The following PACRG variants were observed in gnomAD, a reference collection of about 807,000 sequenced individuals.
PACRG encodes parkin coregulated gene protein.
A neutral mutation model predicts 29.7 loss-of-function variants in PACRG; 29 were observed. That is an observed-to-expected ratio of 0.98 (90% CI 0.73 to 1.33). PACRG has a LOEUF of 1.33. PACRG is among the 40% of genes most tolerant of loss of function. PACRG has a pLI of 0.00. For missense variants in PACRG, 279 were observed against 316.2 expected, an observed-to-expected ratio of 0.88 and a Z score of 0.89; for synonymous variants, 116 against 118.7, an observed-to-expected ratio of 0.98 and a Z score of 0.15.
intron 1 of PACRG, among the ~76,000 whole-genome samples, chr6:162,802,998 C>G (rs1286092611): frequency 1.3e-5 from 2 of 152,114 alleles, no homozygotes; most frequent in African/African-American, 4.8e-5. Flanking sequence ...GAACCTACCA[C>G]TTGGTCACAG....
At chr6:163,135,347 C>T (rs1356303069) in intron 4 of PACRG, among the ~76,000 whole-genome samples, 2 of 152,226 alleles carry the variant, frequency 1.3e-5, no homozygotes, top group South Asian at 4.1e-4. Context: ...CGCCACCATG[C>T]CTGGCTAATT....
chr6:162,846,888 ACCACTGTGCTCCCCACACTGT>A (rs1447977104), intron 2 of PACRG, among the ~76,000 whole-genome samples: 5 of 132,682 alleles, frequency 3.8e-5, no homozygotes, highest in South Asian at 4.9e-4. Flanking sequence ...CTCCACACTG[ACCACTGTGCTCCCCACACTGT>A]CCACTGTGCT....
chr6:163,291,386 C>T (rs1784603297), intron 4 of PACRG, among the ~76,000 whole-genome samples: 1 of 150,154 alleles, frequency 6.7e-6, no homozygotes, highest in African/African-American at 2.5e-5. Flanking sequence ...GCCTGCGGGT[C>T]ACCCTGCAAG....
At chr6:163,304,772 G>A (rs539875031) in intron 4 of PACRG, among the ~76,000 whole-genome samples, 3 of 152,336 alleles carry the variant, frequency 2.0e-5, no homozygotes, top group African/African-American at 7.2e-5. Flanking sequence ...GAGTGAAGCA[G>A]GAGGTCCCAC....
At chr6:163,263,237 C>T (rs979932718) in intron 4 of PACRG, among the ~76,000 whole-genome samples, 2 of 151,678 alleles carry the variant, frequency 1.3e-5, no homozygotes, top group South Asian at 2.1e-4. Context: ...CTTCCCATCC[C>T]GAGAGCCCAG....
At chr6:162,934,955 A>G (rs940188495) in intron 2 of PACRG, among the ~76,000 whole-genome samples, 4 of 152,160 alleles carry the variant, frequency 2.6e-5, no homozygotes, top group African/African-American at 9.7e-5. Flanking sequence ...TGCTGGGTAT[A>G]ACATTCTTGG....
At chr6:162,928,082 A>T (rs1384172905) in intron 2 of PACRG, among the ~76,000 whole-genome samples, 3 of 152,024 alleles carry the variant, frequency 2.0e-5, no homozygotes, top group African/African-American at 7.2e-5. Context: ...GTTTTTCAGA[A>T]TTGAGAAAAA....
At chr6:162,950,474 C>A (rs1340263275) in intron 2 of PACRG, among the ~76,000 whole-genome samples, 1 of 151,906 alleles carries the variant, frequency 6.6e-6, no homozygotes, top group Non-Finnish European at 1.5e-5. Flanking sequence ...TGCCACTGCA[C>A]TCCAGCCTGG....
At chr6:162,817,360 G>A (rs1787446771) in intron 2 of PACRG, among the ~76,000 whole-genome samples, 1 of 152,226 alleles carries the variant, frequency 6.6e-6, no homozygotes, top group Non-Finnish European at 1.5e-5. Context: ...ACAGACAGAT[G>A]TCTTTGCATG....
At chr6:162,939,587 A>T (rs1418795892) in intron 2 of PACRG, among the ~76,000 whole-genome samples, 1 of 150,630 alleles carries the variant, frequency 6.6e-6, no homozygotes, top group African/African-American at 2.4e-5. Context: ...TACTTCTTTC[A>T]TCTCATCTCT....
intron 4 of PACRG, among the ~76,000 whole-genome samples, chr6:163,226,313 T>C (rs1042022394): frequency 2.0e-5 from 3 of 152,186 alleles, no homozygotes; most frequent in Admixed American, 2.0e-4. Flanking sequence ...TTAATAATAA[T>C]GTATATTTGA....
At position 162,947,359 on chromosome 6, in the gene PACRG, A is replaced by ATATATGAT. The variant is rs376521730; in HGVS notation, c.292-114791_292-114790insTATATGAT. The stretch of plus-strand genomic sequence containing the variant: ...ATATATATAATGATTACATATATAT[A>ATATATGAT]ATGTAATCATATATAATCATATATA... On this transcript the variant is annotated intron_variant, in intron 2 of 4. Coordinates refer to ENST00000366888, the MANE Select transcript of PACRG (RefSeq NM_001080379.2). Among the ~76,000 whole-genome samples, 2 of 36,702 alleles carry ATATATGAT rather than the reference A, an allele frequency of 5.4e-5. 1 individual carries two copies. Among genetic ancestry groups the ATATATGAT allele is most frequent in the African/African-American group, 2.1e-4 (2 of 9,744 alleles). 24.1% of individuals were successfully genotyped at this position (36,702 alleles called of 152,430 possible).
At chr6:163,052,330 T>C (rs1001161192) in intron 2 of PACRG, among the ~76,000 whole-genome samples, 7 of 152,228 alleles carry the variant, frequency 4.6e-5, no homozygotes, top group Admixed American at 1.3e-4. Flanking sequence ...GCAAGATCCT[T>C]GGTAATTATA....
chr6:163,242,853 G>T (rs758007396), intron 4 of PACRG, among the ~76,000 whole-genome samples: 1 of 152,146 alleles, frequency 6.6e-6, no homozygotes, highest in Non-Finnish European at 1.5e-5. Context: ...ACAGGGAATT[G>T]TTTCTTTTGT....
chr6:162,842,996 G>A (rs1449557551), intron 2 of PACRG, among the ~76,000 whole-genome samples: 13 of 132,674 alleles, frequency 9.8e-5, no homozygotes, highest in Non-Finnish European at 1.7e-4. Flanking sequence ...CCCTTTGAGG[G>A]TAACCCGACC....
At chr6:162,810,932 C>T (rs2128356307) in intron 1 of PACRG, among the ~76,000 whole-genome samples, 1 of 152,248 alleles carries the variant, frequency 6.6e-6, no homozygotes, top group South Asian at 2.1e-4. Flanking sequence ...CCTACAGATT[C>T]ACAAAGTTGA....
intron 4 of PACRG, among the ~76,000 whole-genome samples, chr6:163,119,640 T>C (rs531709156): frequency 6.6e-6 from 1 of 152,290 alleles, no homozygotes; most frequent in East Asian, 1.9e-4. Context: ...AGACAGGAGA[T>C]TGTAACCTGT....
chr6:163,139,120 G>A (rs1817052246), intron 4 of PACRG, among the ~76,000 whole-genome samples: 1 of 152,224 alleles, frequency 6.6e-6, no homozygotes, highest in Admixed American at 6.5e-5. Context: ...GCTTCACTGG[G>A]CCGAAGGCAA....
intron 2 of PACRG, among the ~76,000 whole-genome samples, chr6:162,834,031 C>G (rs992969775): frequency 2.6e-5 from 4 of 152,106 alleles, no homozygotes; most frequent in African/African-American, 7.2e-5. Context: ...CTCCCCACAT[C>G]CCCTGCTAAC....
Sources: gnomAD v4.1 joint callset for allele counts (sites outside exome capture counted in the v4.1 genomes callset) on GRCh38, gnomAD v4.1.1 for gene constraint, MANE v1.5 for transcripts, NCBI Gene and HGNC (gene_info 2026-07-23, HGNC 2026-07-21) for gene names.